The following FOXK1 variants were observed in gnomAD, a reference collection of about 807,000 sequenced individuals.
The protein encoded by FOXK1 is forkhead box K1.
FOXK1 carries 19 observed loss-of-function variants against 51.9 expected under a neutral mutation model. The ratio of observed to expected loss-of-function variants is 0.37; its 90% CI spans 0.26 to 0.54. The LOEUF is 0.54. Ranked by LOEUF, FOXK1 falls within the 20% of genes least tolerant of loss-of-function variation. FOXK1 has a pLI of 0.87. For synonymous variants in FOXK1, 537 were observed against 482.6 expected, an observed-to-expected ratio of 1.11 and a Z score of -1.48; for missense variants, 870 against 1,032.7, an observed-to-expected ratio of 0.84 and a Z score of 2.16.
rs1257986112 is a variant in FOXK1 at position 4,749,997 on chromosome 7, G to A, written c.747-4462G>A. 6.6e-6 allele frequency among the ~76,000 whole-genome samples: 1 copy of A among 152,226 alleles called. No individual in the cohort carries two copies. Among genetic ancestry groups the A allele is most frequent in the Non-Finnish European group, 1.5e-5 (1 of 68,038 alleles). On this transcript the variant is annotated intron_variant, in intron 2 of 8. Coordinates refer to ENST00000328914, the MANE Select transcript of FOXK1 (RefSeq NM_001037165.2). This position sits in a 1 kb window ranked among gnomAD's most constrained non-coding sequence, Gnocchi z 6.0. The stretch of plus-strand genomic sequence containing the variant: ...AGGCCCGGCCCCTGGATGCGGTGGA[G>A]GCTGCCCGGGGTGGGTCAGCATGGG...
chr7:4,685,965 A>T (rs1779812936), intron 1 of FOXK1, among the ~76,000 whole-genome samples: 1 of 152,092 alleles, frequency 6.6e-6, no homozygotes, highest in Non-Finnish European at 1.5e-5. Context: ...AATGAAAAAA[A>T]AAAAACCAAA....
chr7:4,730,123 A>G lies in FOXK1; in HGVS notation c.561-10715A>G, dbSNP rs542945155. ...CTCGCTGTCTTTTCTTTTTCCAAATAGGACATGCTTATTTGCCTGATTACA... is the reference window on the plus strand; with the variant it reads ...CTCGCTGTCTTTTCTTTTTCCAAATGGGACATGCTTATTTGCCTGATTACA... On this transcript the variant is annotated intron_variant, in intron 1 of 8. Coordinates refer to ENST00000328914, the MANE Select transcript of FOXK1 (RefSeq NM_001037165.2). The surrounding 1 kb of genome is among the most constrained non-coding windows in gnomAD (Gnocchi z 4.7). Among the ~76,000 whole-genome samples, 4 of 152,360 alleles carry G rather than the reference A, an allele frequency of 2.6e-5. No individual in the cohort carries two copies. In the South Asian group the frequency reaches 8.3e-4, roughly 32 times the overall value.
rs1396586383 is a variant in FOXK1 at position 4,715,682 on chromosome 7, G to C, written c.561-25156G>C. ...CTGTGACTGACTGGCAGGAACCTGG[G>C]CTTGTCAAGTCAGTCTGTAGTGCAC... On this transcript the variant is annotated intron_variant, in intron 1 of 8. Coordinates refer to ENST00000328914, the MANE Select transcript of FOXK1 (RefSeq NM_001037165.2). The surrounding 1 kb of genome is among the most constrained non-coding windows in gnomAD (Gnocchi z 4.5). Among the ~76,000 whole-genome samples, 1 of 152,180 alleles carries C rather than the reference G, an allele frequency of 6.6e-6. No homozygotes were observed. The highest frequency in any genetic ancestry group is 2.4e-5 in the African/African-American group (1 of 41,450).
intron 1 of FOXK1, among the ~76,000 whole-genome samples, chr7:4,726,081 G>T (rs1780377889): frequency 6.6e-6 from 1 of 151,686 alleles, no homozygotes; most frequent in Admixed American, 6.6e-5. Flanking sequence ...GTTTGCATTT[G>T]GGGGCTCTCT....
chr7:4,721,653 C>T (rs868574261), intron 1 of FOXK1, among the ~76,000 whole-genome samples: 40 of 132,974 alleles, frequency 3.0e-4, no homozygotes, highest in African/African-American at 1.0e-3. Flanking sequence ...TGCAGTGGTG[C>T]GATCTTGGCT....
chr7:4,705,976 ATATATACGTATATATACGTATATATACG>A (rs1780089042), intron 1 of FOXK1, among the ~76,000 whole-genome samples: 1 of 107,542 alleles, frequency 9.3e-6, no homozygotes, highest in Non-Finnish European at 1.7e-5. Flanking sequence ...ATATATACGT[ATATATACGTATATATACGTATATATACG>A]TATATATACG....
At chr7:4,702,352 A>T (rs184997841) in intron 1 of FOXK1, among the ~76,000 whole-genome samples, 3,258 of 151,310 alleles carry the variant, frequency 0.022, 67 homozygotes, top group Non-Finnish European at 0.028. Flanking sequence ...TTATTTATTT[A>T]TTTTTTTTGA....
rs111595744 is a variant in FOXK1 at position 4,709,063 on chromosome 7, CAAA to C, written c.560+26209_560+26211del. ...CTGGGCAATGAGCGAGACTCTGTCT[CAAA>C]AAAAAAAAAAAAAGAAAAGAAAAGA... On this transcript the variant is annotated intron_variant, in intron 1 of 8. Coordinates refer to ENST00000328914, the MANE Select transcript of FOXK1 (RefSeq NM_001037165.2). The surrounding 1 kb of genome is among the most constrained non-coding windows in gnomAD (Gnocchi z 5.6). Among the ~76,000 whole-genome samples, 7 of 65,124 alleles carry C rather than the reference CAAA, an allele frequency of 1.1e-4. No individual in the cohort carries two copies. The highest frequency in any genetic ancestry group is 1.4e-4 in the Non-Finnish European group (4 of 28,744). The allele number at this position is 65,124 out of a possible 152,430, so 42.7% of individuals were successfully genotyped here.
In FOXK1 at chr7:4,745,802, A is replaced by ACC; in HGVS notation, c.746+4779_746+4780insCC. Reference sequence around the variant, plus strand: ...CTACTTGGGAGGCTGAGGCAGGAGAATTGCTTGAACCTAGGAGGCAGAGGT... The same window carrying ACC: ...CTACTTGGGAGGCTGAGGCAGGAGAACCTTGCTTGAACCTAGGAGGCAGAGGT... On this transcript the variant is annotated intron_variant, in intron 2 of 8. Transcript: ENST00000328914. This position sits in a 1 kb window ranked among gnomAD's most constrained non-coding sequence, Gnocchi z 4.3. Among the ~76,000 whole-genome samples, 1 of 151,988 alleles carries ACC rather than the reference A, an allele frequency of 6.6e-6. No homozygotes were observed. Among genetic ancestry groups the ACC allele is most frequent in the East Asian group, 1.9e-4 (1 of 5,182 alleles).
In FOXK1 at chr7:4,747,206, T is replaced by G. The variant is rs769029150; in HGVS notation, c.746+6183T>G. Among the ~76,000 whole-genome samples the G allele has an allele frequency of 6.6e-6, 1 of 152,172 alleles. No homozygotes were observed. ...TCAGCCTCGGGTGACAAGCGGCTTG[T>G]GTGGAGTAGGCCTGTTGCATGGCTT... On this transcript the variant is annotated intron_variant, in intron 2 of 8. Transcript: ENST00000328914. The surrounding 1 kb of genome is among the most constrained non-coding windows in gnomAD (Gnocchi z 9.2).
chr7:4,714,483 C>T (rs1333238438), intron 1 of FOXK1, among the ~76,000 whole-genome samples: 1 of 152,178 alleles, frequency 6.6e-6, no homozygotes, highest in Admixed American at 6.5e-5. Context: ...CCACATTGCC[C>T]AAGCTGGTCT....
intron 3 of FOXK1, chr7:4,754,818 C>T (rs1780822269): frequency 2.9e-6 from 2 of 695,772 alleles, no homozygotes; most frequent in Admixed American, 5.9e-5. Context: ...TGGTCATTTG[C>T]TGGTGACAGG....
In FOXK1 at chr7:4,703,139, G is replaced by A. The variant is rs2115035973; in HGVS notation, c.560+20271G>A. Among the ~76,000 whole-genome samples, 1 of 152,270 alleles carries A rather than the reference G, an allele frequency of 6.6e-6. No individual in the cohort carries two copies. Among genetic ancestry groups the A allele is most frequent in the Middle Eastern group, 3.4e-3 (1 of 294 alleles). ...TGGGCTGGGCTGGACTGGGAAGACT[G>A]GCTCTCTCAGGGGATTCCAGGGCAG... On this transcript the variant is annotated intron_variant, in intron 1 of 8. Coordinates refer to ENST00000328914, the MANE Select transcript of FOXK1 (RefSeq NM_001037165.2). This position sits in a 1 kb window ranked among gnomAD's most constrained non-coding sequence, Gnocchi z 5.6.
chr7:4,699,590 A>G (rs1316762352), intron 1 of FOXK1, among the ~76,000 whole-genome samples: 6 of 151,084 alleles, frequency 4.0e-5, no homozygotes, highest in Admixed American at 4.0e-4. Context: ...CTGGTCTCGA[A>G]CTCCTGGCCT....
chr7:4,725,034 G>A (rs1159158285), intron 1 of FOXK1, among the ~76,000 whole-genome samples: 1 of 152,234 alleles, frequency 6.6e-6, no homozygotes. Context: ...GCTGCCCTCT[G>A]TCCCCAGCAG....
In FOXK1 at chr7:4,749,223, C is replaced by T. The variant is rs980526673; in HGVS notation, c.747-5236C>T. Among the ~76,000 whole-genome samples, 1 of 152,188 alleles carries T rather than the reference C, an allele frequency of 6.6e-6. No individual in the cohort carries two copies. On this transcript the variant is annotated intron_variant, in intron 2 of 8. Coordinates refer to ENST00000328914, the MANE Select transcript of FOXK1 (RefSeq NM_001037165.2). The surrounding 1 kb of genome is among the most constrained non-coding windows in gnomAD (Gnocchi z 6.0). Reference sequence around the variant, plus strand: ...TCTTACTGTCCTACAGAGACGGCATCGTTACCTCCCTAGGGACGGGAACCA... The same window carrying T: ...TCTTACTGTCCTACAGAGACGGCATTGTTACCTCCCTAGGGACGGGAACCA...
chr7:4,696,750 A>T (rs1390964358), intron 1 of FOXK1, among the ~76,000 whole-genome samples: 1 of 152,116 alleles, frequency 6.6e-6, no homozygotes, highest in Non-Finnish European at 1.5e-5. Context: ...TCCACAGTAG[A>T]TGTTTCTGAA....
chr7:4,703,045 C>T lies in FOXK1; in HGVS notation c.560+20177C>T, dbSNP rs968606991. ...CGTCCTCAGCTCCCCCTGCCAGGTC[C>T]GGTTGGGGACCGAGACCCCTGGTTG... On this transcript the variant is annotated intron_variant, in intron 1 of 8. Transcript: ENST00000328914. This position sits in a 1 kb window ranked among gnomAD's most constrained non-coding sequence, Gnocchi z 5.6. Among the ~76,000 whole-genome samples the T allele has an allele frequency of 1.3e-5, 2 of 152,174 alleles. No homozygotes were observed. Among genetic ancestry groups the T allele is most frequent in the Non-Finnish European group, 1.5e-5 (1 of 68,034 alleles).
chr7:4,690,592 A>T (rs145520410), intron 1 of FOXK1, among the ~76,000 whole-genome samples: 93 of 152,350 alleles, frequency 6.1e-4, no homozygotes, highest in Non-Finnish European at 1.1e-3. Context: ...AAGTCAGTCT[A>T]TGAGGAGGGT....
Sources: allele counts gnomAD v4.1 joint callset (sites outside exome capture counted in the v4.1 genomes callset), GRCh38; gene constraint gnomAD v4.1.1; non-coding constraint Gnocchi (gnomAD v3.1); transcripts MANE v1.5; gene names NCBI Gene and HGNC (gene_info 2026-07-23, HGNC 2026-07-21).